Variants in MAGI2 observed in about 807,000 individuals in gnomAD.
MAGI2 encodes the protein membrane associated guanylate kinase, WW and PDZ domain containing 2.
Under a neutral mutation model 133.3 loss-of-function variants are expected in MAGI2, and 35 were observed. That is an observed-to-expected ratio of 0.26 (90% confidence interval 0.20 to 0.35). The LOEUF (loss-of-function observed/expected upper bound fraction) is 0.35, where lower values mean the gene tolerates loss of function less well. MAGI2 is among the 10% of genes least tolerant of loss of function. MAGI2 has a pLI of 1.00. For missense variants in MAGI2, 1,636 were observed against 1,863.4 expected, an observed-to-expected ratio of 0.88 and a Z score of 2.25; for synonymous variants, 729 against 710.6, an observed-to-expected ratio of 1.03 and a Z score of -0.41.
intron 3 of MAGI2, among the ~76,000 whole-genome samples, chr7:78,596,738 A>G (rs1804648261): frequency 6.6e-6 from 1 of 152,174 alleles, no homozygotes; most frequent in East Asian, 1.9e-4. Flanking sequence ...ATAAACTAGT[A>G]TATTTTCTTC....
intron 10 of MAGI2, among the ~76,000 whole-genome samples, chr7:78,206,027 T>C (rs1335800072): frequency 6.6e-6 from 1 of 152,168 alleles, no homozygotes; most frequent in Non-Finnish European, 1.5e-5. Flanking sequence ...TTTCAGAACT[T>C]ACTTTTCCTG....
At chr7:78,249,035 T>A (rs1017838310) in intron 10 of MAGI2, among the ~76,000 whole-genome samples, 1 of 150,160 alleles carries the variant, frequency 6.7e-6, no homozygotes, top group East Asian at 2.0e-4. Flanking sequence ...TAAAAAAAAA[T>A]AATAAAAAAA....
chr7:78,441,297 G>C (rs1231897856), intron 6 of MAGI2, among the ~76,000 whole-genome samples: 2 of 152,126 alleles, frequency 1.3e-5, no homozygotes, highest in African/African-American at 4.8e-5. Flanking sequence ...AAAGGGATCT[G>C]ACCTACCATG....
intron 3 of MAGI2, among the ~76,000 whole-genome samples, chr7:78,566,303 C>T (rs148477223): frequency 4.9e-4 from 74 of 152,002 alleles, no homozygotes; most frequent in South Asian, 2.1e-3. Context: ...AGATCCTGAA[C>T]GGTGGAAGGA....
intron 3 of MAGI2, among the ~76,000 whole-genome samples, chr7:78,607,363 G>T (rs1805926532): frequency 1.3e-5 from 2 of 151,234 alleles, no homozygotes; most frequent in South Asian, 4.2e-4. Context: ...GTATTCAGTG[G>T]CTATGGTCTA....
intron 2 of MAGI2, among the ~76,000 whole-genome samples, chr7:78,795,877 A>G (rs896725398): frequency 6.6e-5 from 10 of 152,140 alleles, no homozygotes; most frequent in Admixed American, 3.3e-4. Flanking sequence ...CCAAGAACAT[A>G]CAATAGGAAA....
chr7:78,461,393 C>CGTGTGCGTGTGTGT (rs1554423797), intron 6 of MAGI2, among the ~76,000 whole-genome samples: 20 of 138,118 alleles, frequency 1.4e-4, no homozygotes, highest in Non-Finnish European at 2.6e-4. Context: ...CGTGTGTGTG[C>CGTGTGCGTGTGTGT]GTGTGTGTGT....
At chr7:79,266,830 G>T (rs1834497083) in intron 1 of MAGI2, among the ~76,000 whole-genome samples, 1 of 152,110 alleles carries the variant, frequency 6.6e-6, no homozygotes, top group African/African-American at 2.4e-5. Flanking sequence ...CCCAAAGCAA[G>T]CCAGAGTCAA....
intron 1 of MAGI2, among the ~76,000 whole-genome samples, chr7:79,097,637 G>C (rs1458985715): frequency 1.3e-5 from 2 of 152,300 alleles, no homozygotes; most frequent in East Asian, 3.9e-4. Context: ...GGGCTGTGGT[G>C]AAGGCCAAGA....
At chr7:78,605,099 CA>C (rs1237738443) in intron 3 of MAGI2, among the ~76,000 whole-genome samples, 1 of 152,218 alleles carries the variant, frequency 6.6e-6, no homozygotes, top group East Asian at 1.9e-4. Context: ...ATTTTCAAAA[CA>C]TACCTCTAGA....
chr7:78,983,130 T>C (rs938380575), intron 2 of MAGI2, among the ~76,000 whole-genome samples: 1 of 152,010 alleles, frequency 6.6e-6, no homozygotes, highest in Admixed American at 6.6e-5. Context: ...TAAAAATTAA[T>C]GTCATTGGTT....
At chr7:78,692,798 T>C (rs1817106319) in intron 2 of MAGI2, among the ~76,000 whole-genome samples, 1 of 152,200 alleles carries the variant, frequency 6.6e-6, no homozygotes, top group African/African-American at 2.4e-5. Flanking sequence ...GTCTAAATAA[T>C]TAACCACTAC....
At chr7:78,073,174 C>T (rs1380381035) in intron 21 of MAGI2, among the ~76,000 whole-genome samples, 2 of 152,160 alleles carry the variant, frequency 1.3e-5, no homozygotes, top group African/African-American at 2.4e-5. Context: ...CCAATTAGTG[C>T]AGTTTTATTA....
At chr7:78,713,139 G>A (rs948439074) in intron 2 of MAGI2, among the ~76,000 whole-genome samples, 13 of 152,218 alleles carry the variant, frequency 8.5e-5, no homozygotes, top group African/African-American at 2.2e-4. Flanking sequence ...TTTTATAAAC[G>A]TGAAATGTGT....
chr7:79,234,247 T>A (rs1449791570), intron 1 of MAGI2, among the ~76,000 whole-genome samples: 1 of 144,174 alleles, frequency 6.9e-6, no homozygotes, highest in Admixed American at 6.9e-5. Context: ...TCATTTCAAC[T>A]TTGGTGAATC....
At chr7:79,337,345 A>T (rs1422481132) in intron 1 of MAGI2, among the ~76,000 whole-genome samples, 1 of 152,210 alleles carries the variant, frequency 6.6e-6, no homozygotes, top group Admixed American at 6.5e-5. Context: ...TGCAATAACA[A>T]ATTGGAGCAT....
intron 19 of MAGI2, 124 bp downstream of exon 19, chr7:78,127,073 C>T: frequency 1.4e-6 from 1 of 697,156 alleles, no homozygotes; most frequent in South Asian, 2.2e-5. Flanking sequence ...GTTACCAGAA[C>T]TAGGAATAGA....
intron 1 of MAGI2, among the ~76,000 whole-genome samples, chr7:79,378,614 T>C (rs1585764500): frequency 6.6e-6 from 1 of 151,794 alleles, no homozygotes; most frequent in Non-Finnish European, 1.5e-5. Flanking sequence ...CATCAATTTT[T>C]CTACATATTC....
chr7:78,613,978 T>C (rs1196218841), intron 3 of MAGI2, among the ~76,000 whole-genome samples: 1 of 151,586 alleles, frequency 6.6e-6, no homozygotes, highest in Non-Finnish European at 1.5e-5. Context: ...GGTGTGGTGG[T>C]GCATGCCTGT....
Sources: gnomAD v4.1 joint callset for allele counts (sites outside exome capture counted in the v4.1 genomes callset) on GRCh38, gnomAD v4.1.1 for gene constraint, MANE v1.5 for transcripts, NCBI Gene and HGNC (gene_info 2026-07-23, HGNC 2026-07-21) for gene names.